Variants in LRRIQ1 observed in about 807,000 individuals in gnomAD.
LRRIQ1 encodes leucine rich repeats and IQ motif containing 1, also known as leucine-rich repeat- and IQ domain-containing protein 1.
A neutral mutation model predicts 211.9 loss-of-function variants in LRRIQ1; 210 were observed. The ratio of observed to expected loss-of-function variants is 0.99; its 90% CI spans 0.89 to 1.11. LRRIQ1 has a LOEUF of 1.11. Ranked by LOEUF, LRRIQ1 falls within the 50% of genes most tolerant of loss-of-function variation. The pLI is 0.00. For synonymous variants in LRRIQ1, 699 were observed against 650.1 expected, an observed-to-expected ratio of 1.08 and a Z score of -1.14; for missense variants, 2,136 against 1,939.5, an observed-to-expected ratio of 1.10 and a Z score of -1.90.
Position 85,232,718 on chromosome 12 carries a change from G to A in LRRIQ1, c.4978G>A (p.Asp1660Asn). 3.1e-6 allele frequency: 5 copies of A among 1,612,612 alleles called. No homozygotes were observed. Among genetic ancestry groups the A allele is most frequent in the Non-Finnish European group, 4.2e-6 (5 of 1,179,220 alleles). ...MKCNHFLPEL[D>N]PDVLNGGRVQ... ...CAGCAATCACTTTTTGCCTGAGTTA[G>A]ATCCAGATGTACTTAATGGTGGAAG... Residue 1660 changes from aspartate (D) to asparagine (N), a missense_variant, in exon 26 of 27, where the codon GAT (aspartate) becomes AAT (asparagine). Transcript: ENST00000393217.
At chr12:85,155,712 A>G (rs1394722135) in intron 23 of LRRIQ1, among the ~76,000 whole-genome samples, 1 of 151,710 alleles carries the variant, frequency 6.6e-6, no homozygotes, top group African/African-American at 2.4e-5. Flanking sequence ...AATGTTTGCA[A>G]TAAATAGCCT....
chr12:85,217,582 G>GTA (rs62755460), intron 24 of LRRIQ1, among the ~76,000 whole-genome samples: 9 of 119,152 alleles, frequency 7.6e-5, no homozygotes, highest in East Asian at 7.0e-4. Context: ...GTATACATAT[G>GTA]TATATATATA....
At chr12:85,130,644 T>G (rs887257269) in intron 18 of LRRIQ1, among the ~76,000 whole-genome samples, 2 of 152,190 alleles carry the variant, frequency 1.3e-5, no homozygotes, top group Non-Finnish European at 2.9e-5. Flanking sequence ...GAACTCCATT[T>G]TCACATCTGT....
intron 24 of LRRIQ1, among the ~76,000 whole-genome samples, chr12:85,187,953 C>T (rs1390561528): frequency 6.6e-6 from 1 of 151,924 alleles, no homozygotes; most frequent in Admixed American, 6.6e-5. Context: ...GAACAATCCC[C>T]ATTAAAACAC....
intron 11 of LRRIQ1, among the ~76,000 whole-genome samples, chr12:85,092,826 C>T (rs1402651954): frequency 6.6e-6 from 1 of 152,200 alleles, no homozygotes; most frequent in Non-Finnish European, 1.5e-5. Context: ...TAGAGACTAA[C>T]CACATCGCTA....
chr12:85,260,963 T>C (rs1281662283), intron 1 of LRRIQ1, among the ~76,000 whole-genome samples: 8 of 151,874 alleles, frequency 5.3e-5, no homozygotes, highest in Non-Finnish European at 1.0e-4. Flanking sequence ...GTTCTTGCCC[T>C]TTCTTGAAGG....
chr12:85,266,170 T>C (rs944599865), downstream of LRRIQ1, among the ~76,000 whole-genome samples: 1 of 152,096 alleles, frequency 6.6e-6, no homozygotes, highest in Non-Finnish European at 1.5e-5. Flanking sequence ...TTGTAAGAAA[T>C]AGGATTAGCC....
chr12:85,055,765 G>A lies in LRRIQ1; in HGVS notation c.972G>A (p.Lys324=). 2 of 1,607,406 alleles carry A rather than the reference G, an allele frequency of 1.2e-6. No individual in the cohort carries two copies. The highest frequency in any genetic ancestry group is 1.7e-5 in the Admixed American group (1 of 59,222). The change falls in exon 8 of 27, where the codon AAG becomes AAA. Residue 324 remains lysine, a synonymous_variant. Coordinates refer to ENST00000393217, the MANE Select transcript of LRRIQ1 (RefSeq NM_001079910.2). ...KKRKAQEWKE[K]EAKIRQKEEE... ...GGAAAGCACAAGAGTGGAAGGAAAA[G>A]GAAGCAAAAATACGACAAAAGGAGG...
chr12:85,201,373 G>A (rs1893284200), intron 24 of LRRIQ1, among the ~76,000 whole-genome samples: 1 of 150,852 alleles, frequency 6.6e-6, no homozygotes, highest in African/African-American at 2.4e-5. Context: ...AATGATACCA[G>A]CTCTTCTTTT....
intron 24 of LRRIQ1, among the ~76,000 whole-genome samples, chr12:85,192,667 AGT>A (rs1270754966): frequency 2.4e-5 from 2 of 83,686 alleles, no homozygotes; most frequent in African/African-American, 7.5e-5. Flanking sequence ...ATAAATATAT[AGT>A]TATATACTAT....
chr12:85,056,105 C>T lies in LRRIQ1; in HGVS notation c.1312C>T (p.Leu438Phe). ...AAATTCAAAGAAGCAGGAAGATGTT[C>T]TCCTTTGGCTAGTTGAGGAATCAAA... ...DENSKKQEDV[L>F]LWLVEESNMK... Residue 438 changes from leucine to phenylalanine, a missense_variant, in exon 8 of 27, where the codon CTC (leucine) becomes TTC (phenylalanine). Coordinates refer to ENST00000393217, the MANE Select transcript of LRRIQ1 (RefSeq NM_001079910.2). 6.2e-7 allele frequency: 1 copy of T among 1,600,028 alleles called. No individual in the cohort carries two copies.
chr12:85,106,783 A>T (rs1468546832), intron 15 of LRRIQ1, among the ~76,000 whole-genome samples, 168 bp downstream of exon 15: 3 of 152,182 alleles, frequency 2.0e-5, no homozygotes, highest in African/African-American at 7.2e-5. Context: ...AAATGTTTTT[A>T]TTCTAAAATA....
intron 24 of LRRIQ1, among the ~76,000 whole-genome samples, chr12:85,210,404 A>G (rs1476887764): frequency 1.3e-5 from 2 of 152,222 alleles, no homozygotes; most frequent in Non-Finnish European, 2.9e-5. Flanking sequence ...ATGATAAAAC[A>G]CGATGTTTTT....
chr12:85,150,083 A>T (rs1323405619), intron 19 of LRRIQ1, among the ~76,000 whole-genome samples: 2 of 151,764 alleles, frequency 1.3e-5, no homozygotes, highest in Admixed American at 1.3e-4. Context: ...TAAAAAGTAG[A>T]TGGTTTGGCA....
chr12:85,101,465 A>G (rs1886340897), intron 13 of LRRIQ1, among the ~76,000 whole-genome samples: 1 of 151,862 alleles, frequency 6.6e-6, no homozygotes, highest in Admixed American at 6.6e-5. Flanking sequence ...TTCATTGTAC[A>G]AATCTTTTGC....
chr12:85,198,784 G>T (rs58728306), intron 24 of LRRIQ1, among the ~76,000 whole-genome samples: 2 of 152,156 alleles, frequency 1.3e-5, no homozygotes, highest in African/African-American at 4.8e-5. Flanking sequence ...TAGCCAGAAT[G>T]GTCTTGATTT....
At chr12:85,086,169 A>G (rs958211167) in intron 11 of LRRIQ1, among the ~76,000 whole-genome samples, 12 of 152,136 alleles carry the variant, frequency 7.9e-5, no homozygotes, top group Non-Finnish European at 1.6e-4. Flanking sequence ...TTTAACTTAC[A>G]ATTCTCTAAT....
intron 13 of LRRIQ1, among the ~76,000 whole-genome samples, chr12:85,103,687 T>C (rs1886558137): frequency 6.6e-6 from 1 of 151,552 alleles, no homozygotes. Context: ...ACACACTTAT[T>C]CTTATTTAAA....
intron 17 of LRRIQ1, chr12:85,124,752 A>G (rs1888250313): frequency 7.3e-6 from 3 of 408,604 alleles, no homozygotes; most frequent in South Asian, 6.2e-5. Context: ...TAGTATTTAA[A>G]TGAGTAAATG....
Sources: allele counts gnomAD v4.1 joint callset (sites outside exome capture counted in the v4.1 genomes callset), GRCh38; gene constraint gnomAD v4.1.1; transcripts MANE v1.5; gene names NCBI Gene and HGNC (gene_info 2026-07-23, HGNC 2026-07-21).